ANO3: variants seen among roughly 807,000 people sequenced by gnomAD.
ANO3 encodes the protein anoctamin 3, also known as anoctamin-3.
Under a neutral mutation model 144.8 loss-of-function variants are expected in ANO3, and 99 were observed. The observed-to-expected ratio is 0.68, with a 90% CI of 0.58 to 0.81. ANO3 has a LOEUF of 0.81. ANO3 is among the 30% of genes least tolerant of loss of function. ANO3 has a pLI of 0.00. For synonymous variants in ANO3, 414 were observed against 392.6 expected, an observed-to-expected ratio of 1.05 and a Z score of -0.64; for missense variants, 905 against 1,202.2, an observed-to-expected ratio of 0.75 and a Z score of 3.66.
intron 1 of ANO3, among the ~76,000 whole-genome samples, chr11:26,332,712 A>G (rs1855088258): frequency 6.6e-6 from 1 of 152,274 alleles, no homozygotes; most frequent in South Asian, 2.1e-4. Flanking sequence ...TAATCTTCAC[A>G]AAAGTGTGTC....
At chr11:26,384,371 A>G (rs1034014528) in intron 1 of ANO3, among the ~76,000 whole-genome samples, 5 of 152,206 alleles carry the variant, frequency 3.3e-5, no homozygotes, top group African/African-American at 1.2e-4. Flanking sequence ...TAAGACAGAC[A>G]AAAAGCTGAC....
chr11:26,613,484 A>C (rs1247511434), intron 17 of ANO3, among the ~76,000 whole-genome samples: 1 of 152,134 alleles, frequency 6.6e-6, no homozygotes, highest in Non-Finnish European at 1.5e-5. Context: ...TAGGAATTTC[A>C]TAAATTTTCT....
intron 1 of ANO3, among the ~76,000 whole-genome samples, chr11:26,234,070 C>A (rs911693809): frequency 1.3e-5 from 2 of 152,062 alleles, no homozygotes; most frequent in African/African-American, 4.8e-5. Context: ...ATGTAACAAG[C>A]CTGCACGTTC....
At chr11:26,454,184 A>G (rs573550672) in intron 3 of ANO3, among the ~76,000 whole-genome samples, 1 of 152,298 alleles carries the variant, frequency 6.6e-6, no homozygotes, top group Non-Finnish European at 1.5e-5. Context: ...AGCAAGAGCA[A>G]ACACATTCAA....
At chr11:26,540,969 T>A (rs2134203766) in intron 10 of ANO3, among the ~76,000 whole-genome samples, 1 of 152,204 alleles carries the variant, frequency 6.6e-6, no homozygotes, top group South Asian at 2.1e-4. Flanking sequence ...GGATTATAAA[T>A]CATTCTACTA....
rs756851671 is a variant in ANO3 at position 26,541,928 on chromosome 11, C to A, written c.1033-19C>A. On this transcript the variant is annotated intron_variant, in intron 10 of 26. Coordinates refer to ENST00000256737, the MANE Select transcript of ANO3 (RefSeq NM_031418.4). ...CACTAAAAAATAGAACCAAATGTAT[C>A]TTACTTTATCTGTTGCAGGGAGCCT... 9 of 1,598,020 alleles carry A rather than the reference C, an allele frequency of 5.6e-6. No homozygotes were observed. The African/African-American group carries it at 1.1e-4, about 19-fold the overall frequency.
intron 1 of ANO3, among the ~76,000 whole-genome samples, chr11:26,281,361 A>G (rs1423833375): frequency 6.6e-6 from 1 of 152,146 alleles, no homozygotes; most frequent in Non-Finnish European, 1.5e-5. Context: ...AGCATTTCCA[A>G]ACCACTCTGA....
chr11:26,356,295 A>G (rs1314935266), intron 1 of ANO3, among the ~76,000 whole-genome samples: 1 of 152,208 alleles, frequency 6.6e-6, no homozygotes, highest in Non-Finnish European at 1.5e-5. Context: ...ATCTGGTAAG[A>G]TTCGACATAT....
intron 24 of ANO3, 94 bp from the exon 25 acceptor site, chr11:26,656,031 T>C (rs1052552345): frequency 1.0e-6 from 1 of 992,202 alleles, no homozygotes; most frequent in Admixed American, 2.3e-5. Context: ...ATGGAAAGAA[T>C]AATACATTTG....
At chr11:26,439,284 A>G (rs1165923412) in intron 1 of ANO3, among the ~76,000 whole-genome samples, 2 of 152,228 alleles carry the variant, frequency 1.3e-5, no homozygotes, top group Admixed American at 1.3e-4. Flanking sequence ...TAGATACAGC[A>G]CCTAAAGCAC....
chr11:26,453,294 A>G (rs1859020709), intron 3 of ANO3, among the ~76,000 whole-genome samples: 1 of 151,478 alleles, frequency 6.6e-6, no homozygotes, highest in Admixed American at 6.6e-5. Context: ...CAAATTGGAT[A>G]AACAGTCAAG....
chr11:26,500,796 C>CA (rs1413158058), intron 4 of ANO3, among the ~76,000 whole-genome samples: 1 of 150,742 alleles, frequency 6.6e-6, no homozygotes, highest in African/African-American at 2.4e-5. Flanking sequence ...AAAAAACCAC[C>CA]AAAAAAAGAA....
rs571775059 is a variant in ANO3, at chr11:26,317,312, G to C, written c.-3+7593G>C. Among the ~76,000 whole-genome samples the C allele has an allele frequency of 2.0e-3, 302 of 152,098 alleles. 1 individual carries two copies. Among genetic ancestry groups the C allele is most frequent in the Non-Finnish European group, 3.5e-3 (238 of 67,992 alleles). ...TAAGAGCTGGCAGAAACTATCATCA[G>C]AGTGAGCAGGCAACCTACAGAATGG... On this transcript the variant is annotated intron_variant, in intron 1 of 26. Transcript: ENST00000525139.
At chr11:26,509,057 A>C (rs1434320385) in intron 5 of ANO3, among the ~76,000 whole-genome samples, 2 of 147,796 alleles carry the variant, frequency 1.4e-5, no homozygotes, top group East Asian at 4.0e-4. Context: ...ATTAGCCATG[A>C]TATATATGTA....
At chr11:26,628,236 GT>G (rs1441365902) in intron 18 of ANO3, among the ~76,000 whole-genome samples, 1 of 152,120 alleles carries the variant, frequency 6.6e-6, no homozygotes, top group African/African-American at 2.4e-5. Context: ...AATGAAAAGA[GT>G]TTTCACTTTG....
intron 1 of ANO3, among the ~76,000 whole-genome samples, chr11:26,265,946 C>T (rs147767829): frequency 6.6e-6 from 1 of 152,180 alleles, no homozygotes; most frequent in East Asian, 1.9e-4. Context: ...ACTTAGTAGC[C>T]TACTTCACAA....
At chr11:26,579,976 C>T (rs1170944890) in intron 14 of ANO3, among the ~76,000 whole-genome samples, 2 of 151,794 alleles carry the variant, frequency 1.3e-5, no homozygotes, top group Non-Finnish European at 2.9e-5. Context: ...GCATTATAGC[C>T]ATTCATGAGA....
chr11:26,222,308 C>T (rs768246006), intron 1 of ANO3, among the ~76,000 whole-genome samples: 17 of 152,338 alleles, frequency 1.1e-4, no homozygotes, highest in South Asian at 2.1e-4. Flanking sequence ...ACTGGTGCAG[C>T]GGGTGGGCTC....
At chr11:26,461,674 G>A (rs2134055428) in intron 3 of ANO3, among the ~76,000 whole-genome samples, 1 of 152,138 alleles carries the variant, frequency 6.6e-6, no homozygotes, top group East Asian at 1.9e-4. Context: ...AAATATGGGG[G>A]AAACATATTA....
Sources: gnomAD v4.1 joint callset for allele counts (sites outside exome capture counted in the v4.1 genomes callset) on GRCh38, gnomAD v4.1.1 for gene constraint, MANE v1.5 for transcripts, NCBI Gene and HGNC (gene_info 2026-07-23, HGNC 2026-07-21) for gene names.